MIP: variants seen among roughly 807,000 people sequenced by gnomAD.
The protein encoded by MIP is lens fiber major intrinsic protein.
Under a neutral mutation model 21.8 loss-of-function variants are expected in MIP, and 14 were observed. The ratio of observed to expected loss-of-function variants is 0.64; its 90% CI spans 0.42 to 1.00. The LOEUF (loss-of-function observed/expected upper bound fraction) is 1.00. MIP is among the 50% of genes least tolerant of loss of function. The probability of loss-of-function intolerance (pLI) is 0.00; values close to 1 mark genes in which losing one functional copy is unlikely to be tolerated. For synonymous variants in MIP, 133 were observed against 141.4 expected (o/e 0.94, Z 0.42); for missense variants, 260 against 333.5 (o/e 0.78, Z 1.72).
At chr12:56,452,213 C>T (rs1868643293) in intron 3 of MIP, among the ~76,000 whole-genome samples, 1 of 152,148 alleles carries the variant, frequency 6.6e-6, no homozygotes, top group African/African-American at 2.4e-5. Context: ...CCCCTGGTAA[C>T]TATCCTTCTA....
chr12:56,455,110 G>A (rs1384294410), upstream of MIP, among the ~76,000 whole-genome samples: 1 of 152,096 alleles, frequency 6.6e-6, no homozygotes, highest in African/African-American at 2.4e-5. Flanking sequence ...GGTAAGGAGT[G>A]GGGTTCAGCA....
rs755759617 is a variant in MIP at position 56,453,651 on chromosome 12, G to A, written c.465C>T (p.Gly155=). 9 of 1,614,118 alleles carry A rather than the reference G, an allele frequency of 5.6e-6. No homozygotes were observed. The highest frequency in any genetic ancestry group is 6.8e-6 in the Non-Finnish European group (8 of 1,180,050). The part of the protein sequence containing the change: ...IFATYDERRN[G]QLGSVALAVG... ...CGGCCAGGGCCACGGAGCCCAGTTG[G>A]CCATTCCGCCTCTCGTCGTATGTGG... Residue 155 remains glycine, a synonymous_variant, in exon 2 of 4, where the codon GGC becomes GGT. Coordinates refer to ENST00000652304, the MANE Select transcript of MIP (RefSeq NM_012064.4).
rs1868574341 is a variant in MIP at position 56,450,771 on chromosome 12, C to T, written c.*509G>A. 1 of 165,974 alleles carries T rather than the reference C, an allele frequency of 6.0e-6. No individual in the cohort carries two copies. The highest frequency in any genetic ancestry group is 2.4e-5 in the African/African-American group (1 of 41,518). 10.3% of individuals were successfully genotyped at this position (165,974 alleles called of 1,614,324 possible). A position where few individuals can be genotyped will look rare whatever the true frequency, so the allele number is the denominator to read the frequency against. On this transcript the variant is annotated 3_prime_UTR_variant, in exon 4 of 4. Transcript: ENST00000652304. The stretch of plus-strand genomic sequence containing the variant: ...CACCCACCTCCCTTGAGTCCCTTCT[C>T]CTAACCCTTGGAAGCCTTGTCTCCT...
Position 56,454,622 on chromosome 12 carries a change from G to A in MIP, c.-9C>T. 1.2e-6 allele frequency: 2 copies of A among 1,613,634 alleles called. No homozygotes were observed. ...GATCGCAGTTCCCACATGGCAGGGG[G>A]GATGGTCACAGTGCCTGGGTCCCTG... On this transcript the variant is annotated 5_prime_UTR_variant, in exon 1 of 4. Coordinates refer to ENST00000652304, the MANE Select transcript of MIP (RefSeq NM_012064.4).
Position 56,450,802 on chromosome 12 carries a change from T to G in MIP, c.*478A>C. ...CCTTGGAAGCCTTGTCTCCTCCACT[T>G]CTCTCCATCTGCCTCGTGTGAGGAG... On this transcript the variant is annotated 3_prime_UTR_variant, in exon 4 of 4. Coordinates refer to ENST00000652304, the MANE Select transcript of MIP (RefSeq NM_012064.4). 5.9e-6 allele frequency: 1 copy of G among 170,876 alleles called. No homozygotes were observed. Among genetic ancestry groups the G allele is most frequent in the South Asian group, 1.3e-4 (1 of 7,618 alleles). The allele number at this position is 170,876 out of a possible 1,614,324, so 10.6% of individuals were successfully genotyped here.
chr12:56,453,783 G>C (rs1433311989), intron 1 of MIP, 28 bp from the exon 2 acceptor site: 1 of 1,602,730 alleles, frequency 6.2e-7, no homozygotes, highest in African/African-American at 1.3e-5. Flanking sequence ...AAGAGAGACA[G>C]CTCAGGAGGG....
rs955911825 is a variant in MIP at position 56,451,209 on chromosome 12, C to T, written c.*71G>A. 1.5e-6 allele frequency: 2 copies of T among 1,362,762 alleles called. No individual in the cohort carries two copies. The highest frequency in any genetic ancestry group is 3.4e-5 in the Admixed American group (2 of 58,490). 84.4% of individuals were successfully genotyped at this position (1,362,762 alleles called of 1,614,324 possible). The stretch of plus-strand genomic sequence containing the variant: ...TGACCCTCCCCACAGTCTCTTTCTT[C>T]ATCTAGGGGCTGGCTAAACCCCTCC... On this transcript the variant is annotated 3_prime_UTR_variant, in exon 4 of 4. Transcript: ENST00000652304.
intron 3 of MIP, among the ~76,000 whole-genome samples, chr12:56,452,249 C>A (rs952286485): frequency 6.6e-6 from 1 of 152,086 alleles, no homozygotes; most frequent in Non-Finnish European, 1.5e-5. Context: ...TTTGAGTACT[C>A]TAAATACCCC....
rs1003234391 is a variant in MIP, at chr12:56,453,849, AG to A, written c.361-95del. Reference sequence around the variant, plus strand: ...CCGGCAAGGATCTCGTTACGGCATCAGGTCCGTGGAGAGGAAGGATAATACA... The same window carrying A: ...CCGGCAAGGATCTCGTTACGGCATCAGTCCGTGGAGAGGAAGGATAATACA... On this transcript the variant is annotated intron_variant, in intron 1 of 3. Transcript: ENST00000652304. The A allele has an allele frequency of 3.1e-6, 4 of 1,275,858 alleles. No individual in the cohort carries two copies. The African/African-American group carries it at 5.9e-5, about 19-fold the overall frequency. The allele number at this position is 1,275,858 out of a possible 1,614,324, so 79.0% of individuals were successfully genotyped here.
upstream of MIP, among the ~76,000 whole-genome samples, chr12:56,456,325 A>T (rs957498318): frequency 3.9e-5 from 6 of 152,186 alleles, no homozygotes; most frequent in Non-Finnish European, 7.3e-5. Flanking sequence ...ACTCTGGTCC[A>T]ATTAGGTGAG....
At chr12:56,452,234 G>C (rs1019886149) in intron 3 of MIP, among the ~76,000 whole-genome samples, 1 of 152,016 alleles carries the variant, frequency 6.6e-6, no homozygotes, top group Admixed American at 6.6e-5. Context: ...CTTTGCGTCT[G>C]TGAATTTGAG....
At chr12:56,451,512 T>G in intron 3 of MIP, 47 bp from the exon 4 acceptor site, 2 of 1,569,076 alleles carry the variant, frequency 1.3e-6, no homozygotes, top group South Asian at 1.1e-5. Flanking sequence ...GGGGACAGAG[T>G]AGCAACGCTG....
chr12:56,451,537 A>T (rs990002947), intron 3 of MIP, 72 bp from the exon 4 acceptor site: 59 of 1,315,570 alleles, frequency 4.5e-5, no homozygotes, highest in South Asian at 8.4e-5. Context: ...TTTTCCAGCC[A>T]CCTTAGTGGA....
chr12:56,452,251 A>G (rs1005464543), intron 3 of MIP, among the ~76,000 whole-genome samples: 1 of 152,116 alleles, frequency 6.6e-6, no homozygotes, highest in African/African-American at 2.4e-5. Flanking sequence ...TGAGTACTCT[A>G]AATACCCCAT....
At chr12:56,456,345 T>C (rs994299615), upstream of MIP, among the ~76,000 whole-genome samples, 4 of 152,248 alleles carry the variant, frequency 2.6e-5, no homozygotes, top group Admixed American at 6.5e-5. Flanking sequence ...GGATAAAAAG[T>C]GACAGAACCA....
intron 1 of MIP, 78 bp downstream of exon 1, chr12:56,454,176 C>G (rs1868717401): frequency 6.3e-7 from 1 of 1,595,724 alleles, no homozygotes; most frequent in African/African-American, 1.3e-5. Context: ...GGAGCTGATT[C>G]ACCTGCACCA....
rs924408819 is a variant in MIP, at chr12:56,450,323, C to G, written c.*957G>C. On this transcript the variant is annotated 3_prime_UTR_variant, in exon 4 of 4. Transcript: ENST00000652304. ...TCTCCCCTCATGCCCCCTACTACCA[C>G]CCGTTCATTTATTTGCTCCAGGAAT... 4 of 152,196 alleles carry G rather than the reference C, an allele frequency of 2.6e-5. No homozygotes were observed. The highest frequency in any genetic ancestry group is 5.9e-5 in the Non-Finnish European group (4 of 68,056). The allele number at this position is 152,196 out of a possible 1,614,324, so 9.4% of individuals were successfully genotyped here.
intron 1 of MIP, 24 bp from the exon 2 acceptor site, chr12:56,453,779 G>T (rs1868700446): frequency 6.2e-7 from 1 of 1,606,776 alleles, no homozygotes; most frequent in Non-Finnish European, 8.5e-7. Context: ...GAAGAAGAGA[G>T]ACAGCTCAGG....
Position 56,451,045 on chromosome 12 carries a change from C to G in MIP, c.*235G>C. The G allele has an allele frequency of 1.9e-6, 1 of 537,310 alleles. No individual in the cohort carries two copies. Among genetic ancestry groups the G allele is most frequent in the Non-Finnish European group, 3.3e-6 (1 of 300,162 alleles). 33.3% of individuals were successfully genotyped at this position (537,310 alleles called of 1,614,324 possible). On this transcript the variant is annotated 3_prime_UTR_variant, in exon 4 of 4. Coordinates refer to ENST00000652304, the MANE Select transcript of MIP (RefSeq NM_012064.4). ...CATTCATATGCACAATCAGCACACA[C>G]GGCGAAGGGTGGTGGGATGGGGAGG...
Sources: gnomAD v4.1 joint callset for allele counts (sites outside exome capture counted in the v4.1 genomes callset) on GRCh38, gnomAD v4.1.1 for gene constraint, MANE v1.5 for transcripts, NCBI Gene and HGNC (gene_info 2026-07-23, HGNC 2026-07-21) for gene names.